TRMT2B: variants seen among roughly 807,000 people sequenced by gnomAD.
TRMT2B encodes the protein tRNA (uracil-5-)-methyltransferase homolog B.
In TRMT2B, 34 loss-of-function variants were observed where a neutral mutation model predicts 39.7. The ratio of observed to expected loss-of-function variants is 0.86; its 90% CI spans 0.65 to 1.14. TRMT2B has a LOEUF of 1.14. Ranked by LOEUF, TRMT2B falls within the 50% of genes most tolerant of loss-of-function variation. TRMT2B has a pLI of 0.00. For synonymous variants in TRMT2B, 132 were observed against 137.3 expected (o/e 0.96, Z 0.27); for missense variants, 318 against 377.2 (o/e 0.84, Z 1.30).
chrX:101,002,704 G>A, the TRMT2B span, among the ~76,000 whole-genome samples: 7 of 107,790 alleles, frequency 6.5e-5, no homozygotes, highest in Non-Finnish European at 1.2e-4. Flanking sequence ...GCTTGAACCC[G>A]AGAGGCAGAG....
chrX:101,008,778 CA>C (rs982031146), downstream of TRMT2B, among the ~76,000 whole-genome samples: 1 of 111,853 alleles, frequency 8.9e-6, no homozygotes, highest in African/African-American at 3.2e-5. Flanking sequence ...CCCCAAGAGA[CA>C]ACATTCCAGT....
intron 13 of TRMT2B, among the ~76,000 whole-genome samples, chrX:101,012,408 G>T (rs112849570): frequency 0.077 from 8,272 of 107,146 alleles, 339 homozygotes; most frequent in Admixed American, 0.12. Flanking sequence ...TGCCATGCTG[G>T]TGCGCTGCCC....
At chrX:101,037,665 G>C (rs1182779027) in intron 5 of TRMT2B, 2 of 290,571 alleles carry the variant, frequency 6.9e-6, no homozygotes, top group Middle Eastern at 1.0e-3. Context: ...ACCTGAGCGT[G>C]AATCTCAGCT....
At chrX:100,990,300 C>A in the TRMT2B span, 1 of 859,754 alleles carries the variant, frequency 1.2e-6, no homozygotes, top group Non-Finnish European at 1.4e-6. Flanking sequence ...GCTTCACTTA[C>A]AATAACTGAC....
At chrX:101,005,608 A>G (rs1483702431), downstream of TRMT2B, among the ~76,000 whole-genome samples, 9 of 100,008 alleles carry the variant, frequency 9.0e-5, no homozygotes, top group Admixed American at 5.8e-4. Context: ...GACTTTTTTG[A>G]TAAAGAATGT....
At chrX:101,024,605 C>T (rs2086969025) in intron 7 of TRMT2B, among the ~76,000 whole-genome samples, 1 of 111,349 alleles carries the variant, frequency 9.0e-6, no homozygotes, top group Admixed American at 9.6e-5. Context: ...GGGTGGATCA[C>T]TTTGAGGTCA....
the TRMT2B span, among the ~76,000 whole-genome samples, chrX:100,977,507 A>G: frequency 9.2e-6 from 1 of 108,501 alleles, no homozygotes; most frequent in South Asian, 4.1e-4. Flanking sequence ...CAGCCTCCCA[A>G]GTAGCTGGGA....
the TRMT2B span, among the ~76,000 whole-genome samples, chrX:100,997,480 G>T: frequency 9.0e-6 from 1 of 111,717 alleles, no homozygotes; most frequent in Admixed American, 9.6e-5. Flanking sequence ...TGTTGTTCAA[G>T]ATTTAATTCA....
At chrX:101,030,144 C>G (rs1276974257) in intron 7 of TRMT2B, among the ~76,000 whole-genome samples, 2 of 111,173 alleles carry the variant, frequency 1.8e-5, no homozygotes, top group Non-Finnish European at 3.8e-5. Flanking sequence ...CCTATAGTCC[C>G]AGCTACTTGG....
At chrX:101,028,270 C>T (rs766374689) in intron 7 of TRMT2B, among the ~76,000 whole-genome samples, 1 of 109,446 alleles carries the variant, frequency 9.1e-6, no homozygotes, top group African/African-American at 3.3e-5. Context: ...AGGTGCCCAC[C>T]ACCACATCCG....
At chrX:100,986,058 T>G in the TRMT2B span, 1 of 711,158 alleles carries the variant, frequency 1.4e-6, no homozygotes, top group Admixed American at 4.1e-5. Context: ...GCGGCCCAAT[T>G]TTCTGAGGTT....
intron 2 of TRMT2B, among the ~76,000 whole-genome samples, chrX:101,047,392 C>A (rs755285030): frequency 1.8e-5 from 2 of 111,235 alleles, no homozygotes; most frequent in African/African-American, 3.3e-5. Context: ...GGAGAAGGAA[C>A]AATGGGAGTA....
At chrX:100,991,935 C>T in the TRMT2B span, among the ~76,000 whole-genome samples, 5 of 31,130 alleles carry the variant, frequency 1.6e-4, no homozygotes, top group Non-Finnish European at 3.1e-4. Context: ...GGGGTTGGGG[C>T]GGGAGATGAA....
In TRMT2B at chrX:101,042,102, C is replaced by T. The variant is rs1401174814; in HGVS notation, c.188G>A (p.Gly63Glu). 1.7e-6 allele frequency: 2 copies of T among 1,211,981 alleles called. No homozygotes were observed. The highest frequency in any genetic ancestry group is 1.1e-6 in the Non-Finnish European group (1 of 895,546). Residue 63 changes from glycine to glutamate, a missense_variant, in exon 3 of 14, where the codon GGA becomes GAA. Physicochemically the swap from Gly to Glu is moderately conservative, Grantham distance 98 (BLOSUM62 -2). Coordinates refer to ENST00000372936, the MANE Select transcript of TRMT2B (RefSeq NM_024917.6). The part of the protein sequence containing the change: ...TRVIATKCQK[G>E]QKSQKKPSHL... ...GCTTGGTTTCTTCTGACTTTTTTGTCCTTTCTGACATTTCGTGGCTATCAC... is the reference window on the plus strand; with the variant it reads ...GCTTGGTTTCTTCTGACTTTTTTGTTCTTTCTGACATTTCGTGGCTATCAC...
At chrX:100,990,522 C>T in the TRMT2B span, 3 of 1,096,106 alleles carry the variant, frequency 2.7e-6, no homozygotes, top group Non-Finnish European at 2.4e-6. Context: ...AATATCACAT[C>T]CCTGAGAACC....
intron 2 of TRMT2B, among the ~76,000 whole-genome samples, chrX:101,045,574 A>G (rs1451675299): frequency 9.2e-6 from 1 of 109,229 alleles, no homozygotes; most frequent in Non-Finnish European, 1.9e-5. Context: ...GTTCGAGACC[A>G]GCCTGAGCAA....
At chrX:101,004,531 T>C (rs1463041777), downstream of TRMT2B, among the ~76,000 whole-genome samples, 1 of 110,545 alleles carries the variant, frequency 9.0e-6, no homozygotes, top group East Asian at 2.8e-4. Flanking sequence ...GATGGAGTTT[T>C]GCTCTTGTTG....
the TRMT2B span, chrX:100,987,332 G>A: frequency 8.8e-7 from 1 of 1,130,509 alleles, no homozygotes. Context: ...GACTGGTTCT[G>A]CGGGCCCCAG....
intron 2 of TRMT2B, among the ~76,000 whole-genome samples, chrX:101,046,895 C>T (rs765683396): frequency 2.5e-4 from 28 of 110,934 alleles, no homozygotes; most frequent in Middle Eastern, 4.6e-3. Flanking sequence ...CATTGCACTC[C>T]AGCCTGGGCA....
Sources: allele counts gnomAD v4.1 joint callset (sites outside exome capture counted in the v4.1 genomes callset), GRCh38; gene constraint gnomAD v4.1.1; transcripts MANE v1.5; gene names NCBI Gene and HGNC (gene_info 2026-07-23, HGNC 2026-07-21).